Variants in SEMA3A observed in about 807,000 individuals in gnomAD.
SEMA3A encodes semaphorin-3A.
In SEMA3A, 29 loss-of-function variants were observed where a neutral mutation model predicts 97.9. The ratio of observed to expected loss-of-function variants is 0.30; its 90% CI spans 0.22 to 0.40. The LOEUF (loss-of-function observed/expected upper bound fraction) is 0.40. SEMA3A is among the 10% of genes least tolerant of loss of function. The pLI is 1.00. For synonymous variants in SEMA3A, 321 were observed against 323.7 expected (o/e 0.99, Z 0.09); for missense variants, 763 against 951.3 (o/e 0.80, Z 2.60).
chr7:84,469,036 G>C (rs950124913), intron 1 of SEMA3A, among the ~76,000 whole-genome samples: 2 of 152,076 alleles, frequency 1.3e-5, no homozygotes, highest in African/African-American at 4.8e-5. Flanking sequence ...GCTGAGGATA[G>C]AAAATTGATG....
At chr7:84,398,745 CT>C (rs1222321554) in intron 1 of SEMA3A, among the ~76,000 whole-genome samples, 1 of 151,932 alleles carries the variant, frequency 6.6e-6, no homozygotes, top group Non-Finnish European at 1.5e-5. Flanking sequence ...GAGTTTAAGG[CT>C]GCAAAGAGGT....
intron 4 of SEMA3A, among the ~76,000 whole-genome samples, chr7:84,067,372 C>T (rs1793555162): frequency 6.6e-6 from 1 of 152,110 alleles, no homozygotes; most frequent in African/African-American, 2.4e-5. Flanking sequence ...GCAAGGACTT[C>T]ATGTCTAAAA....
chr7:84,023,813 A>G (rs1185689600), intron 6 of SEMA3A, among the ~76,000 whole-genome samples: 1 of 152,142 alleles, frequency 6.6e-6, no homozygotes, highest in East Asian at 2.0e-4. Flanking sequence ...GATCGAGACC[A>G]TCCTGGCTAA....
At chr7:84,173,532 C>G (rs1230071196) in intron 1 of SEMA3A, among the ~76,000 whole-genome samples, 1 of 137,466 alleles carries the variant, frequency 7.3e-6, no homozygotes, top group Non-Finnish European at 1.5e-5. Context: ...GCACTCCAGC[C>G]TGGGCAGTAA....
chr7:84,052,105 C>T (rs554903814), intron 5 of SEMA3A, among the ~76,000 whole-genome samples: 46 of 152,154 alleles, frequency 3.0e-4, no homozygotes, highest in African/African-American at 1.1e-3. Context: ...CTACTGGATT[C>T]GGTTTGCCAG....
At chr7:84,073,829 T>G (rs1319168564) in intron 4 of SEMA3A, among the ~76,000 whole-genome samples, 1 of 149,028 alleles carries the variant, frequency 6.7e-6, no homozygotes, top group East Asian at 2.0e-4. Flanking sequence ...GAATCCTCTT[T>G]GATGTTCCAA....
At chr7:84,067,407 C>A (rs559047317) in intron 4 of SEMA3A, among the ~76,000 whole-genome samples, 20 of 152,096 alleles carry the variant, frequency 1.3e-4, no homozygotes, top group African/African-American at 3.6e-4. Context: ...GCAACAAAAG[C>A]CAAAATTGAC....
At chr7:84,232,361 A>G (rs1279161181) in intron 3 of SEMA3A, among the ~76,000 whole-genome samples, 1 of 150,782 alleles carries the variant, frequency 6.6e-6, no homozygotes, top group Admixed American at 6.7e-5. Context: ...TTCCAAACAG[A>G]AATTGACAGG....
At chr7:84,037,084 T>C (rs140028808) in intron 6 of SEMA3A, among the ~76,000 whole-genome samples, 15 of 152,258 alleles carry the variant, frequency 9.9e-5, no homozygotes, top group African/African-American at 2.9e-4. Context: ...AATTATTTTC[T>C]TTTTTCCCTT....
At position 84,320,055 on chromosome 7, in the gene SEMA3A, C is replaced by A. The variant is rs534852741; in HGVS notation, c.-168-12763G>T. On this transcript the variant is annotated intron_variant, in intron 2 of 3. Coordinates refer to the SEMA3A transcript ENST00000424555. ...GATAGCAAGGACTTCAGTTGAATCA[C>A]TTCTCTGTTACCATATCTGACACTG... Among the ~76,000 whole-genome samples, 4 of 152,234 alleles carry A rather than the reference C, an allele frequency of 2.6e-5. No homozygotes were observed. In the South Asian group the frequency reaches 8.3e-4, roughly 32 times the overall value.
intron 3 of SEMA3A, among the ~76,000 whole-genome samples, chr7:84,246,006 T>A (rs528199638): frequency 2.0e-5 from 3 of 152,306 alleles, no homozygotes; most frequent in Admixed American, 2.0e-4. Context: ...GTTTTATCTG[T>A]AAACCCCTGA....
At chr7:84,062,102 C>T (rs1457784930) in intron 4 of SEMA3A, among the ~76,000 whole-genome samples, 2 of 152,024 alleles carry the variant, frequency 1.3e-5, no homozygotes, top group South Asian at 4.1e-4. Flanking sequence ...ATTTTAAAAG[C>T]AGCAAAATTT....
intron 5 of SEMA3A, among the ~76,000 whole-genome samples, chr7:84,059,725 ATT>A (rs34106376): frequency 0.19 from 29,423 of 151,540 alleles, 2,849 homozygotes; most frequent in South Asian, 0.26. Context: ...ATGACCCAGA[ATT>A]TTTTTATGTT....
intron 1 of SEMA3A, among the ~76,000 whole-genome samples, chr7:84,426,329 T>C (rs1412034045): frequency 6.7e-6 from 1 of 150,046 alleles, no homozygotes; most frequent in Non-Finnish European, 1.5e-5. Context: ...GACAGACAAA[T>C]GCCTTGAAAG....
At chr7:84,014,005 C>T (rs1790990836) in intron 7 of SEMA3A, among the ~76,000 whole-genome samples, 1 of 152,110 alleles carries the variant, frequency 6.6e-6, no homozygotes, top group Admixed American at 6.5e-5. Context: ...TGCCAGTTAC[C>T]TCACAACCTG....
rs1361039275 is a variant in SEMA3A, at chr7:83,960,711, T to C, written c.*660A>G. On this transcript the variant is annotated 3_prime_UTR_variant, in exon 17 of 17. Coordinates refer to ENST00000265362, the MANE Select transcript of SEMA3A (RefSeq NM_006080.3). ...ACTAATTTTTACTGCATATTTTTCATGGTACATTTAAATTATAGTTTTAAT... is the reference window on the plus strand; with the variant it reads ...ACTAATTTTTACTGCATATTTTTCACGGTACATTTAAATTATAGTTTTAAT... 6.6e-6 allele frequency: 1 copy of C among 152,608 alleles called. No individual in the cohort carries two copies. The highest frequency in any genetic ancestry group is 2.4e-5 in the African/African-American group (1 of 41,450). The allele number at this position is 152,608 out of a possible 1,614,324, so 9.5% of individuals were successfully genotyped here. A position where few individuals can be genotyped will look rare whatever the true frequency, so the allele number is the denominator to read the frequency against.
At chr7:84,318,857 A>G (rs1184218570) in intron 2 of SEMA3A, among the ~76,000 whole-genome samples, 1 of 152,202 alleles carries the variant, frequency 6.6e-6, no homozygotes, top group Non-Finnish European at 1.5e-5. Flanking sequence ...AATGATATAA[A>G]GTCACCAGAT....
At chr7:84,177,433 T>C (rs1239131534) in intron 1 of SEMA3A, among the ~76,000 whole-genome samples, 7 of 152,152 alleles carry the variant, frequency 4.6e-5, no homozygotes, top group African/African-American at 1.7e-4. Flanking sequence ...TAAAACACTC[T>C]GTTTTCCTGG....
At chr7:84,080,242 C>A (rs559585240) in intron 4 of SEMA3A, among the ~76,000 whole-genome samples, 231 of 147,500 alleles carry the variant, frequency 1.6e-3, no homozygotes, top group African/African-American at 4.7e-3. Flanking sequence ...TAGGAGATAT[C>A]CCTAATGCTG....
Sources: allele counts gnomAD v4.1 joint callset (sites outside exome capture counted in the v4.1 genomes callset), GRCh38; gene constraint gnomAD v4.1.1; transcripts MANE v1.5; gene names NCBI Gene and HGNC (gene_info 2026-07-23, HGNC 2026-07-21).